Variants in TTC4 observed in about 807,000 individuals in gnomAD.
The protein encoded by TTC4 is tetratricopeptide repeat domain 4.
Under a neutral mutation model 51.9 loss-of-function variants are expected in TTC4, and 36 were observed. The observed-to-expected ratio is 0.69, with a 90% CI of 0.53 to 0.92. The LOEUF (loss-of-function observed/expected upper bound fraction) is 0.92. Among genes scored for constraint, TTC4 ranks in the 40% least tolerant of loss-of-function variants. TTC4 has a pLI of 0.00. For synonymous variants in TTC4, 144 were observed against 164.2 expected (o/e 0.88, Z 0.94); for missense variants, 399 against 454.6 (o/e 0.88, Z 1.11).
chr1:54,731,000 T>TAAA (rs1645859289), intron 6 of TTC4, among the ~76,000 whole-genome samples: 4 of 152,182 alleles, frequency 2.6e-5, no homozygotes, highest in Admixed American at 2.0e-4. Flanking sequence ...ACTTCTTACC[T>TAAA]TATATCATCA....
chr1:54,724,160 G>T (rs1645774732), intron 5 of TTC4, among the ~76,000 whole-genome samples: 1 of 152,172 alleles, frequency 6.6e-6, no homozygotes, highest in Non-Finnish European at 1.5e-5. Flanking sequence ...CTGATTCTGG[G>T]TTCCTATGTG....
intron 1 of TTC4, 40 bp downstream of exon 1, chr1:54,716,059 C>T (rs1263140904): frequency 6.6e-7 from 1 of 1,509,936 alleles, no homozygotes; most frequent in African/African-American, 1.4e-5. Context: ...GTAGGGGCGT[C>T]GTCCGGACTC....
At chr1:54,722,626 T>A (rs1358090394) in intron 4 of TTC4, 49 bp from the exon 5 acceptor site, 1 of 1,603,428 alleles carries the variant, frequency 6.2e-7, no homozygotes, top group Non-Finnish European at 8.5e-7. Flanking sequence ...CAAAGCAGGT[T>A]CTTTCCATGC....
chr1:54,715,978 C>T lies in TTC4; in HGVS notation c.70C>T (p.Gln24Ter), dbSNP rs1570024810. The change falls in exon 1 of 10, where the codon CAG (glutamine) becomes TAG (stop). Residue 24 changes from glutamine to a stop codon, truncating the protein, a stop_gained. Transcript: ENST00000371281. LOFTEE classifies it high-confidence loss of function. ...CTCGTTCCTGGAAAAGTTCCAGAGC[C>T]AGCCTTACCGTGGCGGCTTTCATGA... Reference protein sequence around the residue: ...MDSFLEKFQSQPYRGGFHEDQ... With the variant: ...MDSFLEKFQS The T allele has an allele frequency of 6.2e-7, 1 of 1,603,024 alleles. No homozygotes were observed. Among genetic ancestry groups the T allele is most frequent in the Admixed American group, 1.7e-5 (1 of 58,762 alleles).
Position 54,716,003 on chromosome 1 carries a change from A to T in TTC4, c.95A>T (p.Glu32Val), listed in dbSNP as rs767941872. ...QSQPYRGGFH[E>V]DQWEKEFEKV... Reference sequence around the variant, plus strand: ...CAGCCTTACCGTGGCGGCTTTCATGAGGACCAGTGGGAGAAGGTGGGCGGT... The same window carrying T: ...CAGCCTTACCGTGGCGGCTTTCATGTGGACCAGTGGGAGAAGGTGGGCGGT... Residue 32 changes from glutamate to valine, a missense_variant, in exon 1 of 10, where the codon GAG becomes GTG. Physicochemically the swap from Glu to Val is moderately radical, Grantham distance 121 (BLOSUM62 -2). Coordinates refer to ENST00000371281, the MANE Select transcript of TTC4 (RefSeq NM_004623.5). The T allele has an allele frequency of 6.3e-7, 1 of 1,592,464 alleles. No individual in the cohort carries two copies. The highest frequency in any genetic ancestry group is 8.5e-7 in the Non-Finnish European group (1 of 1,170,046).
At chr1:54,737,094 CTCT>C (rs1645955278) in intron 8 of TTC4, 1 of 154,428 alleles carries the variant, frequency 6.5e-6, no homozygotes, top group South Asian at 2.0e-4. Flanking sequence ...AGCATGGATG[CTCT>C]TCTTCACTGG....
intron 8 of TTC4, among the ~76,000 whole-genome samples, chr1:54,736,091 C>G (rs1036140001): frequency 6.6e-6 from 1 of 150,904 alleles, no homozygotes; most frequent in African/African-American, 2.4e-5. Flanking sequence ...TCGATTAATA[C>G]AATGGGGGTA....
In TTC4 at chr1:54,733,613, C is replaced by T. The variant is rs1365946954; in HGVS notation, c.897-16C>T. On this transcript the variant is annotated splice_polypyrimidine_tract_variant and intron_variant, in intron 7 of 9. Coordinates refer to ENST00000371281, the MANE Select transcript of TTC4 (RefSeq NM_004623.5). Reference sequence around the variant, plus strand: ...ATGAGTTATTGATACCCAGAAAGTACATGTTTTATCCTTAGGTTTATTGAT... The same window carrying T: ...ATGAGTTATTGATACCCAGAAAGTATATGTTTTATCCTTAGGTTTATTGAT... 6.3e-7 allele frequency: 1 copy of T among 1,578,716 alleles called. No homozygotes were observed. Among genetic ancestry groups the T allele is most frequent in the East Asian group, 2.3e-5 (1 of 44,378 alleles).
chr1:54,737,529 TA>T, intron 8 of TTC4, 52 bp from the exon 9 acceptor site: 1 of 1,563,586 alleles, frequency 6.4e-7, no homozygotes, highest in Non-Finnish European at 8.8e-7. Flanking sequence ...TAGCCTCAAC[TA>T]AGGCTGCCGA....
chr1:54,722,921 C>G, intron 5 of TTC4, 122 bp downstream of exon 5: 1 of 1,309,220 alleles, frequency 7.6e-7, no homozygotes, highest in Non-Finnish European at 1.0e-6. Context: ...GTCCCTACTC[C>G]TGGAACTCTG....
chr1:54,737,816 C>A, intron 9 of TTC4, 152 bp downstream of exon 9: 1 of 774,148 alleles, frequency 1.3e-6, no homozygotes, highest in Non-Finnish European at 2.0e-6. Flanking sequence ...GCTGGGGATG[C>A]CTCACAATCA....
intron 5 of TTC4, among the ~76,000 whole-genome samples, chr1:54,725,439 C>T (rs1645787906): frequency 6.6e-6 from 1 of 152,188 alleles, no homozygotes; most frequent in Non-Finnish European, 1.5e-5. Flanking sequence ...GATGGTCACA[C>T]ATGTGCCCAG....
intron 3 of TTC4, 54 bp from the exon 4 acceptor site, chr1:54,721,109 T>C: frequency 1.9e-6 from 3 of 1,558,578 alleles, no homozygotes; most frequent in Non-Finnish European, 2.6e-6. Flanking sequence ...TATAAAATTT[T>C]GGAAACATTT....
intron 5 of TTC4, 88 bp downstream of exon 5, chr1:54,722,887 T>C (rs1050298251): frequency 1.2e-5 from 18 of 1,546,908 alleles, no homozygotes; most frequent in Admixed American, 2.1e-5. Flanking sequence ...ATTGTAAACT[T>C]TTTAAAAACA....
chr1:54,731,675 A>AT lies in TTC4; in HGVS notation c.872dup (p.Ser292LeufsTer5). ...CCCAGAGTATGCCCAGTCGGACTTC[A>AT]TCTCTGCTTTTCATGAGGACTCCAG... On this transcript the variant is annotated frameshift_variant, in exon 7 of 10. Transcript: ENST00000371281. LOFTEE classifies it high-confidence loss of function. The AT allele has an allele frequency of 1.2e-6, 2 of 1,614,060 alleles. No homozygotes were observed. Among genetic ancestry groups the AT allele is most frequent in the Non-Finnish European group, 1.7e-6 (2 of 1,179,996 alleles).
intron 8 of TTC4, chr1:54,736,788 T>TA (rs762688588): frequency 6.5e-6 from 1 of 152,754 alleles, no homozygotes; most frequent in Non-Finnish European, 1.5e-5. Context: ...CTCCACATGT[T>TA]ACGCTGCTGC....
intron 6 of TTC4, among the ~76,000 whole-genome samples, chr1:54,730,094 A>G (rs540513619): frequency 2.0e-5 from 3 of 152,218 alleles, no homozygotes; most frequent in African/African-American, 7.2e-5. Flanking sequence ...ACTGTAAGAA[A>G]CTTAACACTG....
chr1:54,724,428 G>T (rs77536609), intron 5 of TTC4, among the ~76,000 whole-genome samples: 8,237 of 151,778 alleles, frequency 0.054, 546 homozygotes, highest in African/African-American at 0.15. Flanking sequence ...ACCATGCCAG[G>T]CTAATTTTTT....
chr1:54,727,498 G>A (rs1158105879), intron 5 of TTC4, among the ~76,000 whole-genome samples: 1 of 151,930 alleles, frequency 6.6e-6, no homozygotes, highest in African/African-American at 2.4e-5. Context: ...TTCATCAAAA[G>A]TAAAAACTTT....
Sources: allele counts gnomAD v4.1 joint callset (sites outside exome capture counted in the v4.1 genomes callset), GRCh38; gene constraint gnomAD v4.1.1; transcripts MANE v1.5; gene names NCBI Gene and HGNC (gene_info 2026-07-23, HGNC 2026-07-21).